CCDC3: variants seen among roughly 807,000 people sequenced by gnomAD.
The protein encoded by CCDC3 is coiled-coil domain containing 3.
Under a neutral mutation model 21.4 loss-of-function variants are expected in CCDC3, and 24 were observed. The ratio of observed to expected loss-of-function variants is 1.12; its 90% CI spans 0.81 to 1.58. The LOEUF is 1.58. Ranked by LOEUF, CCDC3 falls within the 40% of genes most tolerant of loss-of-function variation. CCDC3 has a pLI of 0.00. For missense variants in CCDC3, 425 were observed against 360.9 expected (o/e 1.18, Z -1.44); for synonymous variants, 186 against 166.0 (o/e 1.12, Z -0.93).
chr10:12,902,254 G>A (rs140548911), intron 2 of CCDC3, among the ~76,000 whole-genome samples: 2 of 152,250 alleles, frequency 1.3e-5, no homozygotes, highest in African/African-American at 4.8e-5. Context: ...CTGGGCTCCC[G>A]GGGAAGCTGC....
At chr10:13,055,355 A>C (rs931906311) in intron 4 of CCDC3, among the ~76,000 whole-genome samples, 4 of 150,822 alleles carry the variant, frequency 2.7e-5, no homozygotes, top group African/African-American at 9.8e-5. Context: ...TTTTGTAGAC[A>C]GGGTCTCACT....
Position 13,018,632 on chromosome 10 carries a change from A to G in CCDC3, c.-1-20120T>C, listed in dbSNP as rs754113129. ...TCTTAGTGGGATATTATGATGGACT[A>G]TTGAAAAATGAATAGAGGCCGGGCA... On this transcript the variant is annotated intron_variant, in intron 5 of 6. Transcript: ENST00000378839. Among the ~76,000 whole-genome samples the G allele has an allele frequency of 8.9e-4, 135 of 152,256 alleles. 1 individual carries two copies. Among genetic ancestry groups the G allele is most frequent in the Non-Finnish European group, 4.0e-4 (27 of 67,976 alleles).
intron 2 of CCDC3, among the ~76,000 whole-genome samples, chr10:12,902,332 T>C (rs1208406769): frequency 6.6e-6 from 1 of 152,150 alleles, no homozygotes; most frequent in African/African-American, 2.4e-5. Context: ...CTCAAAAAGA[T>C]GAGAAGGTGG....
intron 4 of CCDC3, among the ~76,000 whole-genome samples, chr10:13,055,314 G>A (rs1468553558): frequency 6.6e-6 from 1 of 151,750 alleles, no homozygotes; most frequent in Non-Finnish European, 1.5e-5. Context: ...AGATTCAAGG[G>A]TGTGGGGAAC....
chr10:13,043,511 T>C (rs1836488515), intron 5 of CCDC3, among the ~76,000 whole-genome samples: 1 of 152,102 alleles, frequency 6.6e-6, no homozygotes, highest in Admixed American at 6.5e-5. Flanking sequence ...GAGAATCGCC[T>C]GAACCCAGGA....
chr10:13,034,903 G>A (rs1307647578), intron 5 of CCDC3, among the ~76,000 whole-genome samples: 2 of 152,064 alleles, frequency 1.3e-5, no homozygotes, highest in Non-Finnish European at 2.9e-5. Context: ...GCGGATGCCT[G>A]TAATCCCAGC....
chr10:13,091,109 C>T (rs984319131), intron 3 of CCDC3, among the ~76,000 whole-genome samples: 4 of 152,182 alleles, frequency 2.6e-5, no homozygotes, highest in African/African-American at 4.8e-5. Context: ...CTTCTTCTGC[C>T]TGCTTTTTCT....
At chr10:13,014,606 G>A (rs1162832295) in intron 5 of CCDC3, among the ~76,000 whole-genome samples, 1 of 150,682 alleles carries the variant, frequency 6.6e-6, no homozygotes, top group Non-Finnish European at 1.5e-5. Flanking sequence ...AAATGTCAAT[G>A]GTGGTACTAT....
chr10:13,056,837 T>C (rs1836686707), intron 4 of CCDC3, among the ~76,000 whole-genome samples: 1 of 152,024 alleles, frequency 6.6e-6, no homozygotes. Context: ...AAACAAAAAT[T>C]GTGAGGAGGA....
chr10:13,058,493 A>C, intron 4 of CCDC3: 1 of 750,650 alleles, frequency 1.3e-6, no homozygotes, highest in African/African-American at 1.7e-5. Flanking sequence ...GCAATCTGAC[A>C]AATGATATCT....
chr10:12,958,257 A>G (rs574859175), intron 2 of CCDC3, among the ~76,000 whole-genome samples: 2 of 152,368 alleles, frequency 1.3e-5, no homozygotes, highest in Admixed American at 1.3e-4. Flanking sequence ...GAAGAAGTTT[A>G]GGGAGAAACT....
At chr10:12,898,705 AGAG>A (rs779404781) in intron 2 of CCDC3, 26 bp from the exon 3 acceptor site, 1 of 1,610,562 alleles carries the variant, frequency 6.2e-7, no homozygotes, top group South Asian at 1.1e-5. Context: ...GCGTGCAAGG[AGAG>A]GAGGTGAGTC....
At chr10:12,961,575 C>G (rs1010541371) in intron 2 of CCDC3, among the ~76,000 whole-genome samples, 25 of 152,106 alleles carry the variant, frequency 1.6e-4, no homozygotes, top group African/African-American at 6.0e-4. Context: ...GCTCTGGGAC[C>G]ACGGCATGAA....
At chr10:12,951,823 A>AAAAG (rs1835013377) in intron 2 of CCDC3, among the ~76,000 whole-genome samples, 1 of 151,176 alleles carries the variant, frequency 6.6e-6, no homozygotes, top group African/African-American at 2.4e-5. Flanking sequence ...AAAAAAAAAA[A>AAAAG]AAAAGTTGTT....
intron 5 of CCDC3, among the ~76,000 whole-genome samples, chr10:13,014,470 A>AG (rs1564320472): frequency 5.5e-5 from 2 of 36,612 alleles, no homozygotes; most frequent in African/African-American, 1.1e-4. Flanking sequence ...AAAAAAAAAA[A>AG]GAAAAAAAAA....
At chr10:13,048,266 A>G (rs1042978314) in intron 5 of CCDC3, among the ~76,000 whole-genome samples, 1 of 151,968 alleles carries the variant, frequency 6.6e-6, no homozygotes, top group Non-Finnish European at 1.5e-5. Context: ...ATCTCAGCTC[A>G]CTGCAGCCTC....
intron 5 of CCDC3, among the ~76,000 whole-genome samples, chr10:13,019,379 A>G (rs1257136281): frequency 6.6e-6 from 1 of 152,204 alleles, no homozygotes; most frequent in Non-Finnish European, 1.5e-5. Flanking sequence ...TTTTAGCATC[A>G]GGAAAAAGTC....
chr10:13,073,221 C>G (rs56026821), intron 4 of CCDC3, among the ~76,000 whole-genome samples: 31,565 of 151,972 alleles, frequency 0.21, 3,854 homozygotes, highest in East Asian at 0.29. Context: ...AAGAAAAATA[C>G]CATTTTACCG....
At chr10:12,953,822 C>A (rs1327840616) in intron 2 of CCDC3, among the ~76,000 whole-genome samples, 1 of 152,224 alleles carries the variant, frequency 6.6e-6, no homozygotes, top group Non-Finnish European at 1.5e-5. Flanking sequence ...GGAAGCTAGA[C>A]TTCCAAAGTG....
Sources: allele counts gnomAD v4.1 joint callset (sites outside exome capture counted in the v4.1 genomes callset), GRCh38; gene constraint gnomAD v4.1.1; transcripts MANE v1.5; gene names NCBI Gene and HGNC (gene_info 2026-07-23, HGNC 2026-07-21).